The following DPP6 variants were observed in gnomAD, a reference collection of about 807,000 sequenced individuals.
The protein encoded by DPP6 is A-type potassium channel modulatory protein DPP6.
DPP6 carries 69 observed loss-of-function variants against 122.6 expected under a neutral mutation model. The observed-to-expected ratio is 0.56, with a 90% CI of 0.46 to 0.69. DPP6 has a LOEUF of 0.69. Among genes scored for constraint, DPP6 ranks in the 30% least tolerant of loss-of-function variants. DPP6 has a pLI of 0.00. For missense variants in DPP6, 928 were observed against 1,116.9 expected, an observed-to-expected ratio of 0.83 and a Z score of 2.41; for synonymous variants, 418 against 433.1, an observed-to-expected ratio of 0.97 and a Z score of 0.43.
chr7:154,780,233 T>C (rs747919173), intron 10 of DPP6, among the ~76,000 whole-genome samples: 3 of 152,208 alleles, frequency 2.0e-5, no homozygotes, highest in Non-Finnish European at 4.4e-5. Context: ...ACTGATGTGC[T>C]GAAAAGGAAA....
intron 11 of DPP6, 143 bp downstream of exon 11, chr7:154,794,345 A>G (rs912187136): frequency 1.2e-4 from 168 of 1,353,654 alleles, no homozygotes; most frequent in Non-Finnish European, 1.6e-4. Flanking sequence ...CCCGCGGCGC[A>G]GAGTCCCGGC....
chr7:153,958,951 A>G (rs572530428), intron 1 of DPP6, among the ~76,000 whole-genome samples: 17 of 152,058 alleles, frequency 1.1e-4, no homozygotes, highest in African/African-American at 3.9e-4. Flanking sequence ...GCTTGTAGTA[A>G]TAATCTTTAC....
chr7:154,639,001 A>G (rs1298402929), intron 6 of DPP6, among the ~76,000 whole-genome samples: 1 of 152,188 alleles, frequency 6.6e-6, no homozygotes, highest in African/African-American at 2.4e-5. Context: ...GTGAATATCT[A>G]GGTTGAGGCA....
At chr7:154,113,957 G>A (rs1418859723) in intron 1 of DPP6, among the ~76,000 whole-genome samples, 1 of 152,182 alleles carries the variant, frequency 6.6e-6, no homozygotes, top group East Asian at 1.9e-4. Context: ...CAGCATAGTA[G>A]TGGAAGTCCT....
intron 8 of DPP6, among the ~76,000 whole-genome samples, chr7:154,730,614 G>A (rs1438773402): frequency 6.6e-6 from 1 of 152,100 alleles, no homozygotes; most frequent in Non-Finnish European, 1.5e-5. Flanking sequence ...GAAAAAAATG[G>A]CATAGATATC....
At chr7:154,100,732 C>G (rs1451780247) in intron 1 of DPP6, among the ~76,000 whole-genome samples, 1 of 99,722 alleles carries the variant, frequency 1.0e-5, no homozygotes, top group Non-Finnish European at 2.0e-5. Flanking sequence ...CCTCCCTCCC[C>G]ACGCCAGCAG....
At chr7:154,747,775 G>A (rs984693489) in intron 8 of DPP6, among the ~76,000 whole-genome samples, 4 of 152,084 alleles carry the variant, frequency 2.6e-5, no homozygotes, top group African/African-American at 4.8e-5. Context: ...TCAGCAATGC[G>A]GAGACGGTGT....
At chr7:153,986,773 ACTT>A (rs1397772230) in intron 1 of DPP6, among the ~76,000 whole-genome samples, 3 of 152,156 alleles carry the variant, frequency 2.0e-5, no homozygotes, top group Non-Finnish European at 4.4e-5. Flanking sequence ...AATACTGTTG[ACTT>A]CTTATGAGGA....
intron 2 of DPP6, among the ~76,000 whole-genome samples, chr7:154,470,288 TC>T (rs1822146323): frequency 6.6e-6 from 1 of 152,204 alleles, no homozygotes; most frequent in African/African-American, 2.4e-5. Flanking sequence ...TCCTTCCTCC[TC>T]ATTATGGTGG....
upstream of DPP6, among the ~76,000 whole-genome samples, chr7:153,884,987 A>ATAT (rs1798852668): frequency 3.4e-5 from 4 of 116,456 alleles, no homozygotes; most frequent in African/African-American, 1.4e-4. Flanking sequence ...TCAAAACAAA[A>ATAT]ATATATATAT....
At chr7:154,620,561 C>G (rs145714073) in intron 5 of DPP6, among the ~76,000 whole-genome samples, 70 of 152,344 alleles carry the variant, frequency 4.6e-4, no homozygotes, top group African/African-American at 1.7e-3. Context: ...CTTAATGACA[C>G]AAGTGTGCAG....
At chr7:154,484,282 C>G (rs1823600956) in intron 3 of DPP6, among the ~76,000 whole-genome samples, 2 of 152,202 alleles carry the variant, frequency 1.3e-5, no homozygotes, top group Non-Finnish European at 2.9e-5. Context: ...TCTGTCTTAA[C>G]AGAATTTGTC....
At chr7:154,278,724 A>G (rs977623931) in intron 1 of DPP6, among the ~76,000 whole-genome samples, 1 of 152,188 alleles carries the variant, frequency 6.6e-6, no homozygotes, top group Admixed American at 6.5e-5. Context: ...TATTAACCAC[A>G]TTGTTTAATA....
In DPP6 at chr7:154,254,032, T is replaced by C. The variant is rs189439472; in HGVS notation, c.244-192182T>C. 1.6e-3 allele frequency among the ~76,000 whole-genome samples: 241 copies of C among 152,338 alleles called. 1 individual carries two copies. Among genetic ancestry groups the C allele is most frequent in the African/African-American group, 5.5e-3 (229 of 41,568 alleles). ...AAGAACGGCAAGAAGGAAGTCTGTCTTGATGATTCAGTCACCTCCCGCCGG... is the reference window on the plus strand; with the variant it reads ...AAGAACGGCAAGAAGGAAGTCTGTCCTGATGATTCAGTCACCTCCCGCCGG... On this transcript the variant is annotated intron_variant, in intron 1 of 25. Transcript: ENST00000377770.
intron 7 of DPP6, among the ~76,000 whole-genome samples, chr7:154,715,064 T>TTATC (rs763589144): frequency 8.0e-3 from 71 of 8,906 alleles, no homozygotes; most frequent in Admixed American, 0.016. Flanking sequence ...CTTATCTTAT[T>TTATC]TTATTTTATT....
chr7:154,842,467 AG>A, intron 16 of DPP6, among the ~76,000 whole-genome samples: 1 of 152,316 alleles, frequency 6.6e-6, no homozygotes, highest in Non-Finnish European at 1.5e-5. Context: ...CCAGTTGAGC[AG>A]GTGAAAACTA....
chr7:154,529,266 G>A (rs955013191), intron 3 of DPP6, among the ~76,000 whole-genome samples: 3 of 152,138 alleles, frequency 2.0e-5, no homozygotes, highest in Non-Finnish European at 4.4e-5. Flanking sequence ...TTCCCACATT[G>A]CTGAATGACC....
At chr7:154,447,426 A>C (rs577475994) in intron 2 of DPP6, among the ~76,000 whole-genome samples, 16 of 152,308 alleles carry the variant, frequency 1.1e-4, no homozygotes, top group African/African-American at 3.8e-4. Flanking sequence ...TGCAGGCAAA[A>C]AAGTTTTAAT....
At position 154,023,318 on chromosome 7, in the gene DPP6, G is replaced by GCACGCACACACACACACACA. The variant is rs373378162; in HGVS notation, c.51+135587_51+135588insGCACACACACACACACACAC. Among the ~76,000 whole-genome samples, 336 of 129,594 alleles carry GCACGCACACACACACACACA rather than the reference G, an allele frequency of 2.6e-3. 10 individuals carry two copies. The highest frequency in any genetic ancestry group is 9.8e-3 in the African/African-American group (305 of 31,158). 85.0% of individuals were successfully genotyped at this position (129,594 alleles called of 152,430 possible). A position where few individuals can be genotyped will look rare whatever the true frequency, so the allele number is the denominator to read the frequency against. On this transcript the variant is annotated intron_variant, in intron 1 of 25. Transcript: ENST00000404039. Reference sequence around the variant, plus strand: ...CAGGCTCTGGAAATGTTTCTTGTCTGCACACACACACACACACACACACAC... The same window carrying GCACGCACACACACACACACA: ...CAGGCTCTGGAAATGTTTCTTGTCTGCACGCACACACACACACACACACACACACACACACACACACACAC...
Sources: allele counts gnomAD v4.1 joint callset (sites outside exome capture counted in the v4.1 genomes callset), GRCh38; gene constraint gnomAD v4.1.1; transcripts MANE v1.5; gene names NCBI Gene and HGNC (gene_info 2026-07-23, HGNC 2026-07-21).